BTBD9: variants seen among roughly 807,000 people sequenced by gnomAD.
BTBD9 encodes the protein BTB/POZ domain-containing protein 9.
In BTBD9, 49 loss-of-function variants were observed where a neutral mutation model predicts 64.3. The observed-to-expected ratio is 0.76, with a 90% CI of 0.61 to 0.97. BTBD9 has a LOEUF of 0.97. Among genes scored for constraint, BTBD9 ranks in the 50% least tolerant of loss-of-function variants. The pLI is 0.00. For synonymous variants in BTBD9, 260 were observed against 274.7 expected, an observed-to-expected ratio of 0.95 and a Z score of 0.53; for missense variants, 598 against 762.1, an observed-to-expected ratio of 0.78 and a Z score of 2.53.
intron 9 of BTBD9, 68 bp downstream of exon 9, chr6:38,256,341 G>C (rs1215390847): frequency 8.7e-7 from 1 of 1,151,344 alleles, no homozygotes; most frequent in African/African-American, 1.5e-5. Context: ...ATTTTCTTTT[G>C]AGCCTCCCAA....
intron 8 of BTBD9, among the ~76,000 whole-genome samples, chr6:38,278,701 T>C (rs1351194319): frequency 6.6e-6 from 1 of 152,188 alleles, no homozygotes; most frequent in African/African-American, 2.4e-5. Flanking sequence ...CTGTAAGACA[T>C]GGTGACCAAA....
chr6:38,364,244 ACT>A (rs1765098040), intron 6 of BTBD9, among the ~76,000 whole-genome samples: 1 of 152,008 alleles, frequency 6.6e-6, no homozygotes. Flanking sequence ...CTTGCAGCTG[ACT>A]CTACACACAG....
At chr6:38,422,012 A>G (rs1767924969) in intron 6 of BTBD9, among the ~76,000 whole-genome samples, 2 of 152,178 alleles carry the variant, frequency 1.3e-5, no homozygotes, top group Admixed American at 1.3e-4. Context: ...CAGTTTTTCA[A>G]TTCATTAAAC....
rs367568228 is a variant in BTBD9, at chr6:38,580,334, A to T, written c.918T>A (p.Asp306Glu). Residue 306 changes from aspartate to glutamate, a missense_variant, in exon 5 of 11, where the codon GAT becomes GAA. Transcript: ENST00000481247. Reference protein sequence around the residue: ...LDGDTQNYDLDHGFSRHPIDD... With the variant: ...LDGDTQNYDLEHGFSRHPIDD... ...CAATTGGGTGCCTTGAAAATCCATG[A>T]TCCAAATCATAATTTTGAGTATCAC... 2.5e-5 allele frequency: 41 copies of T among 1,614,086 alleles called. No homozygotes were observed. In the African/African-American group the frequency reaches 5.3e-4, roughly 21 times the overall value.
At chr6:38,401,688 A>T (rs1363456611) in intron 6 of BTBD9, among the ~76,000 whole-genome samples, 1 of 152,244 alleles carries the variant, frequency 6.6e-6, no homozygotes, top group East Asian at 1.9e-4. Flanking sequence ...ACAAAAAGGC[A>T]GTATGTATAG....
At chr6:38,502,743 G>A (rs188933908) in intron 6 of BTBD9, among the ~76,000 whole-genome samples, 1 of 152,284 alleles carries the variant, frequency 6.6e-6, no homozygotes, top group Admixed American at 6.5e-5. Context: ...AGAATATATG[G>A]CATCAGATTC....
At chr6:38,582,321 C>T (rs1475404455) in intron 4 of BTBD9, among the ~76,000 whole-genome samples, 9 of 152,202 alleles carry the variant, frequency 5.9e-5, no homozygotes, top group Admixed American at 6.5e-5. Context: ...TAATACATGA[C>T]GTGCTAGACA....
intron 6 of BTBD9, among the ~76,000 whole-genome samples, chr6:38,550,322 C>CTTTTTTTTTTTCTTTTTTCT (rs1774740557): frequency 1.4e-5 from 2 of 144,100 alleles, no homozygotes; most frequent in East Asian, 4.1e-4. Flanking sequence ...TTTCTTTTTT[C>CTTTTTTTTTTTCTTTTTTCT]TTTTTTTTTT....
chr6:38,211,460 A>T (rs891131401), intron 9 of BTBD9, among the ~76,000 whole-genome samples: 1 of 147,392 alleles, frequency 6.8e-6, no homozygotes, highest in African/African-American at 2.5e-5. Flanking sequence ...AATTCACTCT[A>T]GGCTATGTGC....
intron 6 of BTBD9, among the ~76,000 whole-genome samples, chr6:38,564,690 C>T (rs762369452): frequency 3.9e-5 from 6 of 152,056 alleles, no homozygotes; most frequent in African/African-American, 4.8e-5. Context: ...AGATTGAGAC[C>T]ATCCTGGCTA....
chr6:38,277,840 C>A (rs914619894), intron 8 of BTBD9, among the ~76,000 whole-genome samples: 1 of 152,066 alleles, frequency 6.6e-6, no homozygotes, highest in African/African-American at 2.4e-5. Context: ...ATAAACAGAA[C>A]ACATGAAATA....
chr6:38,357,689 TGAGA>T (rs1764784266), intron 6 of BTBD9, among the ~76,000 whole-genome samples: 1 of 51,954 alleles, frequency 1.9e-5, no homozygotes, highest in Admixed American at 2.3e-4. Context: ...GTACAACCAC[TGAGA>T]CTGTCTGGTA....
intron 1 of BTBD9, among the ~76,000 whole-genome samples, chr6:38,639,147 G>C (rs1304920612): frequency 6.6e-6 from 1 of 152,228 alleles, no homozygotes; most frequent in Non-Finnish European, 1.5e-5. Context: ...AGTAAGAAAT[G>C]AGGATGCCTA....
At chr6:38,210,546 G>GTGTGTT (rs1554128494) in intron 9 of BTBD9, among the ~76,000 whole-genome samples, 3 of 134,156 alleles carry the variant, frequency 2.2e-5, no homozygotes, top group Non-Finnish European at 4.7e-5. Flanking sequence ...TTGTGTGTGT[G>GTGTGTT]TGTGTGTGTG....
At chr6:38,374,215 G>A (rs4714151) in intron 6 of BTBD9, among the ~76,000 whole-genome samples, 41,536 of 139,096 alleles carry the variant, frequency 0.3, 7,170 homozygotes, top group East Asian at 0.5. Context: ...GTCGCAGTGA[G>A]CCGAGACTGT....
intron 6 of BTBD9, among the ~76,000 whole-genome samples, chr6:38,520,020 T>C (rs1021331763): frequency 9.2e-5 from 14 of 152,106 alleles, no homozygotes; most frequent in African/African-American, 2.9e-4. Context: ...TGTTTTAAAA[T>C]ATTAAATGAA....
At chr6:38,538,634 C>T (rs1294459860) in intron 6 of BTBD9, among the ~76,000 whole-genome samples, 2 of 151,962 alleles carry the variant, frequency 1.3e-5, no homozygotes, top group Non-Finnish European at 2.9e-5. Context: ...CTTCCCCCGC[C>T]CCCCAAAAGA....
chr6:38,468,083 C>T (rs971202278), intron 6 of BTBD9, among the ~76,000 whole-genome samples: 1 of 152,104 alleles, frequency 6.6e-6, no homozygotes, highest in East Asian at 1.9e-4. Flanking sequence ...TTACTCATGG[C>T]TTTCCAGTAC....
intron 6 of BTBD9, among the ~76,000 whole-genome samples, chr6:38,433,500 G>C (rs1268310390): frequency 6.6e-6 from 1 of 151,622 alleles, no homozygotes; most frequent in Non-Finnish European, 1.5e-5. Flanking sequence ...CCTTCTCCTG[G>C]CTCAGAACCT....
Sources: allele counts gnomAD v4.1 joint callset (sites outside exome capture counted in the v4.1 genomes callset), GRCh38; gene constraint gnomAD v4.1.1; transcripts MANE v1.5; gene names NCBI Gene and HGNC (gene_info 2026-07-23, HGNC 2026-07-21).